Variants in TSHZ1 observed in about 807,000 individuals in gnomAD.
TSHZ1 encodes the protein teashirt homolog 1.
In TSHZ1, 12 loss-of-function variants were observed where a neutral mutation model predicts 67.1. That is an observed-to-expected ratio of 0.18 (90% CI 0.11 to 0.29). The LOEUF (loss-of-function observed/expected upper bound fraction) is 0.29. TSHZ1 is among the 10% of genes least tolerant of loss of function. The probability of loss-of-function intolerance (pLI) is 1.00; values close to 1 mark genes in which losing one functional copy is unlikely to be tolerated. For missense variants in TSHZ1, 1,305 were observed against 1,413.9 expected (o/e 0.92, Z 1.23); for synonymous variants, 632 against 622.4 (o/e 1.02, Z -0.23).
chr18:75,228,286 A>G (rs919369339), intron 1 of TSHZ1, among the ~76,000 whole-genome samples: 11 of 152,236 alleles, frequency 7.2e-5, no homozygotes, highest in Admixed American at 2.0e-4. Flanking sequence ...AGCCCAGGCA[A>G]AAATGCTGAG....
intron 1 of TSHZ1, among the ~76,000 whole-genome samples, chr18:75,273,923 TCACCTGCACA>T (rs2023585540): frequency 6.6e-6 from 1 of 152,172 alleles, no homozygotes; most frequent in South Asian, 2.1e-4. Context: ...ACATACACAC[TCACCTGCACA>T]CACTCACACC....
intron 1 of TSHZ1, among the ~76,000 whole-genome samples, chr18:75,275,437 G>T (rs943682178): frequency 6.6e-6 from 1 of 152,234 alleles, no homozygotes; most frequent in East Asian, 1.9e-4. Context: ...AGTTCTTGGT[G>T]ATGGCTGGCA....
At chr18:75,282,858 A>G (rs1191895258) in intron 1 of TSHZ1, 1 of 152,408 alleles carries the variant, frequency 6.6e-6, no homozygotes, top group African/African-American at 2.4e-5. Flanking sequence ...GGGGTGGGCC[A>G]TGGGAGGGCT....
intron 1 of TSHZ1, chr18:75,280,785 A>G: frequency 1.0e-6 from 1 of 985,448 alleles, no homozygotes; most frequent in Non-Finnish European, 1.2e-6. Context: ...TGAGTGAAAG[A>G]AGTCACAGCT....
intron 1 of TSHZ1, among the ~76,000 whole-genome samples, chr18:75,275,417 G>A (rs1336071927): frequency 6.6e-6 from 1 of 152,312 alleles, no homozygotes; most frequent in East Asian, 1.9e-4. Context: ...ATTTGGCGAC[G>A]TTTGTTTGTA....
chr18:75,211,362 C>A lies in TSHZ1; in HGVS notation c.-515C>A, dbSNP rs1311631825. ...GGCGCACAATGAGAAAGCTGCGACC[C>A]GCGCACTAAAAACACTCGCCGCGAC... On this transcript the variant is annotated 5_prime_UTR_variant, in exon 1 of 2. Transcript: ENST00000580243. 1 of 152,014 alleles carries A rather than the reference C, an allele frequency of 6.6e-6. No homozygotes were observed. The highest frequency in any genetic ancestry group is 1.5e-5 in the Non-Finnish European group (1 of 68,008). 9.4% of individuals were successfully genotyped at this position (152,014 alleles called of 1,614,324 possible). A position where few individuals can be genotyped will look rare whatever the true frequency, so the allele number is the denominator to read the frequency against.
Position 75,286,952 on chromosome 18 carries a change from G to C in TSHZ1, c.1545G>C (p.Lys515Asn), listed in dbSNP as rs1217237239. Residue 515 changes from lysine to asparagine, a missense_variant, in exon 2 of 2, where the codon AAG becomes AAC. Physicochemically the swap from Lys to Asn is moderately conservative, Grantham distance 94. Coordinates refer to ENST00000580243, the MANE Select transcript of TSHZ1 (RefSeq NM_001308210.2). The surrounding 1 kb of genome is among the most constrained non-coding windows in gnomAD (Gnocchi z 5.1). ...CGCCTGTGGCTGGCGACGCGGAGAA[G>C]ATCAAGGAGGAGAGTGAGGACAGCT... ...EKPPVAGDAE[K>N]IKEESEDSLE... 3 of 1,614,040 alleles carry C rather than the reference G, an allele frequency of 1.9e-6. No homozygotes were observed. The highest frequency in any genetic ancestry group is 2.5e-6 in the Non-Finnish European group (3 of 1,180,038).
intron 1 of TSHZ1, among the ~76,000 whole-genome samples, chr18:75,254,235 G>A (rs1381175626): frequency 6.6e-6 from 1 of 152,160 alleles, no homozygotes; most frequent in Non-Finnish European, 1.5e-5. Context: ...GTGTCTCTTA[G>A]AGCCACCCAT....
At chr18:75,272,190 A>G (rs925131493) in intron 1 of TSHZ1, among the ~76,000 whole-genome samples, 1 of 152,224 alleles carries the variant, frequency 6.6e-6, no homozygotes, top group East Asian at 1.9e-4. Flanking sequence ...GAATGCTCGG[A>G]TGTATAGTTT....
At chr18:75,239,324 CAG>C (rs1179272631) in intron 1 of TSHZ1, among the ~76,000 whole-genome samples, 2 of 152,218 alleles carry the variant, frequency 1.3e-5, no homozygotes, top group Non-Finnish European at 2.9e-5. Flanking sequence ...ATTAAAATCT[CAG>C]GGGAGCCTCA....
At chr18:75,263,192 C>G (rs2023451384) in intron 1 of TSHZ1, among the ~76,000 whole-genome samples, 1 of 152,138 alleles carries the variant, frequency 6.6e-6, no homozygotes, top group South Asian at 2.1e-4. Context: ...AAATTCAGGG[C>G]ATGAAATCAT....
intron 1 of TSHZ1, among the ~76,000 whole-genome samples, chr18:75,233,515 C>T (rs1221871795): frequency 6.6e-6 from 1 of 152,144 alleles, no homozygotes; most frequent in Admixed American, 6.5e-5. Context: ...GGGTGTGGAT[C>T]ACCAGTTGTT....
At chr18:75,233,474 T>G (rs956950923) in intron 1 of TSHZ1, among the ~76,000 whole-genome samples, 1 of 152,214 alleles carries the variant, frequency 6.6e-6, no homozygotes, top group South Asian at 2.1e-4. Flanking sequence ...TTAAGAAATA[T>G]AAGAAGATGG....
rs1437528971 is a variant in TSHZ1 at position 75,281,821 on chromosome 18, T to C, written c.41-3627T>C. The stretch of plus-strand genomic sequence containing the variant: ...GATGGCATCTGGAAGGGGGGCATGC[T>C]AGGTGCGGGCAGGGAGAGCCCGAAC... On this transcript the variant is annotated intron_variant, in intron 1 of 1. Coordinates refer to ENST00000580243, the MANE Select transcript of TSHZ1 (RefSeq NM_001308210.2). This position sits in a 1 kb window ranked among gnomAD's most constrained non-coding sequence, Gnocchi z 5.3. Among the ~76,000 whole-genome samples, 1 of 152,030 alleles carries C rather than the reference T, an allele frequency of 6.6e-6. No homozygotes were observed. Among genetic ancestry groups the C allele is most frequent in the Admixed American group, 6.5e-5 (1 of 15,286 alleles).
At position 75,286,709 on chromosome 18, in the gene TSHZ1, C is replaced by T; in HGVS notation, c.1302C>T (p.His434=). Residue 434 remains histidine, a synonymous_variant, in exon 2 of 2, where the codon CAC becomes CAT. Coordinates refer to ENST00000580243, the MANE Select transcript of TSHZ1 (RefSeq NM_001308210.2). The surrounding 1 kb of genome is among the most constrained non-coding windows in gnomAD (Gnocchi z 5.1). ...ACACGCTGCAGCAGCTCACCGCCCA[C>T]ATGATGGTCACCGGGCACTTCCTGA... ...SHDTLQQLTA[H]MMVTGHFLKV... is the part of the protein sequence containing the mutation. 2 of 1,614,040 alleles carry T rather than the reference C, an allele frequency of 1.2e-6. No individual in the cohort carries two copies. The highest frequency in any genetic ancestry group is 1.7e-6 in the Non-Finnish European group (2 of 1,180,044).
chr18:75,253,589 C>T (rs2023329317), intron 1 of TSHZ1, among the ~76,000 whole-genome samples: 1 of 152,152 alleles, frequency 6.6e-6, no homozygotes, highest in Non-Finnish European at 1.5e-5. Flanking sequence ...ATTATTTACC[C>T]TGGAAAAGGA....
intron 1 of TSHZ1, among the ~76,000 whole-genome samples, chr18:75,238,093 G>T (rs377113660): frequency 1.9e-4 from 29 of 152,268 alleles, no homozygotes; most frequent in South Asian, 8.3e-4. Context: ...GAGCCACCAC[G>T]CCAGGCTGAC....
chr18:75,286,542 T>G lies in TSHZ1; in HGVS notation c.1135T>G (p.Ser379Ala). ...GGCCGCAGAGGTGGCCCTGAGTGAGTCAGCCAAGGATCAGAAAGCAGCGAA... is the reference window on the plus strand; with the variant it reads ...GGCCGCAGAGGTGGCCCTGAGTGAGGCAGCCAAGGATCAGAAAGCAGCGAA... Reference protein sequence around the residue: ...GMAAEVALSESAKDQKAANPY... With the variant: ...GMAAEVALSEAAKDQKAANPY... The change falls in exon 2 of 2, where the codon TCA becomes GCA. Residue 379 changes from serine (S) to alanine (A), a missense_variant. By Grantham distance (99) the Ser-to-Ala change is moderately conservative. Coordinates refer to ENST00000580243, the MANE Select transcript of TSHZ1 (RefSeq NM_001308210.2). This position sits in a 1 kb window ranked among gnomAD's most constrained non-coding sequence, Gnocchi z 5.1. 2 of 1,614,026 alleles carry G rather than the reference T, an allele frequency of 1.2e-6. No individual in the cohort carries two copies. Among genetic ancestry groups the G allele is most frequent in the Non-Finnish European group, 1.7e-6 (2 of 1,180,008 alleles).
chr18:75,278,843 C>G (rs548958350), intron 1 of TSHZ1, among the ~76,000 whole-genome samples: 13 of 152,046 alleles, frequency 8.6e-5, no homozygotes, highest in African/African-American at 2.7e-4. Context: ...AGCCAGGCCT[C>G]GAAGGGTCTT....
Sources: allele counts gnomAD v4.1 joint callset (sites outside exome capture counted in the v4.1 genomes callset), GRCh38; gene constraint gnomAD v4.1.1; non-coding constraint Gnocchi (gnomAD v3.1); transcripts MANE v1.5; gene names NCBI Gene and HGNC (gene_info 2026-07-23, HGNC 2026-07-21).